The following ZC3H12B variants were observed in gnomAD, a reference collection of about 807,000 sequenced individuals.
The protein encoded by ZC3H12B is zinc finger CCCH-type containing 12B, also known as probable ribonuclease ZC3H12B.
ZC3H12B carries 7 observed loss-of-function variants against 43.9 expected under a neutral mutation model. The observed-to-expected ratio is 0.16, with a 90% confidence interval of 0.09 to 0.30. The LOEUF is 0.30. Ranked by LOEUF, ZC3H12B falls within the 10% of genes least tolerant of loss-of-function variation. ZC3H12B has a pLI of 1.00. For missense variants in ZC3H12B, 475 were observed against 670.2 expected (o/e 0.71, Z 3.22); for synonymous variants, 222 against 241.7 (o/e 0.92, Z 0.76).
At chrX:65,151,127 G>T in the ZC3H12B span, among the ~76,000 whole-genome samples, 1 of 111,799 alleles carries the variant, frequency 8.9e-6, no homozygotes, top group African/African-American at 3.2e-5. Context: ...TTTTGTTCAA[G>T]ATTTCTATGT....
the ZC3H12B span, among the ~76,000 whole-genome samples, chrX:65,247,129 A>G: frequency 6.5e-4 from 73 of 112,522 alleles, no homozygotes; most frequent in African/African-American, 2.0e-3. Flanking sequence ...CATCAATCAT[A>G]TGAGAAAAAG....
chrX:65,317,887 G>GTA, the ZC3H12B span, among the ~76,000 whole-genome samples: 1 of 97,165 alleles, frequency 1.0e-5, no homozygotes, highest in Non-Finnish European at 2.0e-5. Context: ...ATACATATAT[G>GTA]TATATATATA....
At chrX:65,147,190 T>C in the ZC3H12B span, among the ~76,000 whole-genome samples, 1 of 112,389 alleles carries the variant, frequency 8.9e-6, no homozygotes, top group African/African-American at 3.2e-5. Flanking sequence ...TTCCAGTTTT[T>C]ACATACTGAC....
the ZC3H12B span, chrX:65,271,704 T>A: frequency 8.7e-6 from 1 of 114,582 alleles, no homozygotes; most frequent in African/African-American, 3.2e-5. Flanking sequence ...GCTACCACTG[T>A]GGATCTTAGG....
the ZC3H12B span, among the ~76,000 whole-genome samples, chrX:65,329,258 G>A: frequency 9.0e-6 from 1 of 111,372 alleles, no homozygotes; most frequent in Non-Finnish European, 1.9e-5. Context: ...GTGTGAAATG[G>A]CATCTCATTG....
the ZC3H12B span, among the ~76,000 whole-genome samples, chrX:65,282,104 A>ATAAAGGC: frequency 1.8e-5 from 2 of 111,676 alleles, no homozygotes; most frequent in Admixed American, 1.9e-4. Context: ...AATTAACATA[A>ATAAAGGC]TAAAGGCTAT....
chrX:65,078,669 G>A, the ZC3H12B span, among the ~76,000 whole-genome samples: 63 of 111,569 alleles, frequency 5.6e-4, no homozygotes, highest in African/African-American at 2.1e-3. Context: ...TGACAAGAGA[G>A]TGACAATACA....
intron 3 of ZC3H12B, among the ~76,000 whole-genome samples, chrX:65,442,926 G>A (rs770998909): frequency 1.8e-5 from 2 of 110,945 alleles, no homozygotes; most frequent in South Asian, 3.9e-4. Context: ...ATCGCTCGAG[G>A]CGCTGCTTGA....
the ZC3H12B span, among the ~76,000 whole-genome samples, chrX:65,350,544 T>G: frequency 8.9e-6 from 1 of 111,896 alleles, no homozygotes; most frequent in East Asian, 2.8e-4. Context: ...ATTGTCTCTG[T>G]TTGCAGATGA....
At chrX:65,224,367 C>CA in the ZC3H12B span, among the ~76,000 whole-genome samples, 3 of 112,223 alleles carry the variant, frequency 2.7e-5, no homozygotes, top group Non-Finnish European at 5.6e-5. Flanking sequence ...ATGGGTTCCC[C>CA]AAAATCTCTG....
the ZC3H12B span, among the ~76,000 whole-genome samples, chrX:65,357,704 G>C: frequency 1.8e-5 from 2 of 111,896 alleles, no homozygotes; most frequent in African/African-American, 6.5e-5. Context: ...ACTAAATATG[G>C]AAAGGAAAAA....
intron 2 of ZC3H12B, among the ~76,000 whole-genome samples, chrX:65,382,994 G>A (rs1429811325): frequency 9.0e-6 from 1 of 111,192 alleles, no homozygotes; most frequent in Non-Finnish European, 1.9e-5. Flanking sequence ...CTCATGGGTA[G>A]GAAGAACCAA....
the ZC3H12B span, among the ~76,000 whole-genome samples, chrX:65,262,186 G>C: frequency 2.7e-5 from 3 of 110,967 alleles, no homozygotes; most frequent in Non-Finnish European, 5.7e-5. Context: ...AAAACGCAAA[G>C]TTTTCTGATA....
chrX:65,054,992 C>T, the ZC3H12B span, among the ~76,000 whole-genome samples: 17 of 111,611 alleles, frequency 1.5e-4, no homozygotes, highest in South Asian at 1.5e-3. Context: ...TGGGCTGAGA[C>T]GATGGGGTTT....
chrX:65,299,891 C>G, the ZC3H12B span, among the ~76,000 whole-genome samples: 2 of 112,315 alleles, frequency 1.8e-5, no homozygotes, highest in African/African-American at 6.5e-5. Flanking sequence ...ACTGGGGAAC[C>G]TGAGGTTCCA....
chrX:65,134,214 C>G, the ZC3H12B span, among the ~76,000 whole-genome samples: 1 of 110,493 alleles, frequency 9.1e-6, no homozygotes. Flanking sequence ...GTGAGCAGCC[C>G]TGGGCTGCAA....
the ZC3H12B span, among the ~76,000 whole-genome samples, chrX:65,238,511 A>T: frequency 2.7e-5 from 3 of 110,314 alleles, no homozygotes; most frequent in African/African-American, 9.9e-5. Flanking sequence ...TCTAGATAAC[A>T]TATCAATATT....
the ZC3H12B span, among the ~76,000 whole-genome samples, chrX:65,337,733 G>C: frequency 1.8e-5 from 2 of 112,603 alleles, no homozygotes; most frequent in Non-Finnish European, 3.8e-5. Context: ...TGGAGAAACA[G>C]ATAAAAGATC....
chrX:65,393,722 G>C (rs926495965), intron 2 of ZC3H12B, among the ~76,000 whole-genome samples: 8 of 112,004 alleles, frequency 7.1e-5, no homozygotes, highest in African/African-American at 2.6e-4. Context: ...CCCAGTAATG[G>C]GATTGCTGGG....
Sources: gnomAD v4.1 joint callset for allele counts (sites outside exome capture counted in the v4.1 genomes callset) on GRCh38, gnomAD v4.1.1 for gene constraint, MANE v1.5 for transcripts, NCBI Gene and HGNC (gene_info 2026-07-23, HGNC 2026-07-21) for gene names.